DNAH7: variants seen among roughly 807,000 people sequenced by gnomAD.
The protein encoded by DNAH7 is axonemal beta dynein heavy chain 7.
In DNAH7, 397 loss-of-function variants were observed where a neutral mutation model predicts 444.6. The ratio of observed to expected loss-of-function variants is 0.89; its 90% confidence interval spans 0.82 to 0.97. The LOEUF (loss-of-function observed/expected upper bound fraction) is 0.97, where lower values mean the gene tolerates loss of function less well. DNAH7 is among the 50% of genes least tolerant of loss of function. The pLI, the probability that DNAH7 is intolerant of heterozygous loss-of-function variation, is 0.00. For synonymous variants in DNAH7, 1,636 were observed against 1,624.4 expected, an observed-to-expected ratio of 1.01 and a Z score of -0.17; for missense variants, 4,902 against 4,800.8, an observed-to-expected ratio of 1.02 and a Z score of -0.62.
At chr2:196,003,724 G>A (rs573467789) in intron 10 of DNAH7, among the ~76,000 whole-genome samples, 2 of 152,260 alleles carry the variant, frequency 1.3e-5, no homozygotes, top group African/African-American at 2.4e-5. Flanking sequence ...TCTAAATAGT[G>A]TAAACCATAA....
At chr2:195,986,219 T>C (rs1475726000) in intron 14 of DNAH7, among the ~76,000 whole-genome samples, 8 of 152,314 alleles carry the variant, frequency 5.3e-5, no homozygotes, top group Middle Eastern at 3.4e-3. Flanking sequence ...TATTGCATGG[T>C]ATTGTAATTT....
chr2:195,824,964 A>G (rs910578331), intron 48 of DNAH7: 1 of 152,532 alleles, frequency 6.6e-6, no homozygotes, highest in African/African-American at 2.4e-5. Context: ...TGACTCACAC[A>G]GTATATAGAT....
At chr2:195,836,383 C>T (rs1042331385) in intron 47 of DNAH7, among the ~76,000 whole-genome samples, 6 of 151,912 alleles carry the variant, frequency 3.9e-5, no homozygotes, top group African/African-American at 1.5e-4. Context: ...TGGTGGCAGG[C>T]ACTTGTAGTC....
intron 22 of DNAH7, among the ~76,000 whole-genome samples, chr2:195,924,455 G>A (rs1688209521): frequency 6.6e-6 from 1 of 152,144 alleles, no homozygotes; most frequent in Non-Finnish European, 1.5e-5. Context: ...TTAGCTGGGT[G>A]TGGTGGCATG....
At chr2:195,987,907 G>A (rs556863078) in intron 13 of DNAH7, 50 bp downstream of exon 13, 7 of 1,495,710 alleles carry the variant, frequency 4.7e-6, no homozygotes, top group South Asian at 2.7e-5. Context: ...TAAAACTGGG[G>A]AAAAGATACC....
At chr2:195,949,468 G>C (rs184024292) in intron 19 of DNAH7, among the ~76,000 whole-genome samples, 1 of 152,116 alleles carries the variant, frequency 6.6e-6, no homozygotes, top group African/African-American at 2.4e-5. Flanking sequence ...ATTTTCAGTA[G>C]AGATGGAGTT....
chr2:195,891,363 T>G (rs1003155165), intron 31 of DNAH7, among the ~76,000 whole-genome samples: 1 of 152,002 alleles, frequency 6.6e-6, no homozygotes, highest in Non-Finnish European at 1.5e-5. Flanking sequence ...GATATTCTCA[T>G]TTTTAGTTCA....
rs35476343 is a variant in DNAH7 at position 195,874,600 on chromosome 2, TA to T, written c.6287-907del. 6.5e-3 allele frequency among the ~76,000 whole-genome samples: 920 copies of T among 140,630 alleles called. 7 individuals carry two copies. Among genetic ancestry groups the T allele is most frequent in the Admixed American group, 0.023 (328 of 14,192 alleles). The allele number at this position is 140,630 out of a possible 152,430, so 92.3% of individuals were successfully genotyped here. On this transcript the variant is annotated intron_variant, in intron 38 of 64. Transcript: ENST00000312428. ...CCCAGGAGCAATATGGTCTTTTATTTAAAAAAAAAAAAAACAGCCTGGGCAT... is the reference window on the plus strand; with the variant it reads ...CCCAGGAGCAATATGGTCTTTTATTTAAAAAAAAAAAAACAGCCTGGGCAT...
intron 64 of DNAH7, among the ~76,000 whole-genome samples, chr2:195,738,768 A>G (rs576503053): frequency 1.3e-5 from 2 of 152,312 alleles, no homozygotes; most frequent in Admixed American, 1.3e-4. Context: ...GTTCATAAAG[A>G]TATTTTAGAA....
At position 196,052,447 on chromosome 2, in the gene DNAH7, T is replaced by C. The variant is rs189473786; in HGVS notation, c.79-1198A>G. ...TATGTACTAGATGTTGAAGACTTAG[T>C]ACAAAACACAAAGAATGTAAATTAT... On this transcript the variant is annotated intron_variant, in intron 2 of 64. Coordinates refer to ENST00000312428, the MANE Select transcript of DNAH7 (RefSeq NM_018897.3). 6.6e-5 allele frequency among the ~76,000 whole-genome samples: 10 copies of C among 152,340 alleles called. No individual in the cohort carries two copies. The East Asian group carries it at 1.9e-3, about 29-fold the overall frequency.
At chr2:196,061,185 C>T (rs1245206168) in intron 1 of DNAH7, among the ~76,000 whole-genome samples, 1 of 152,022 alleles carries the variant, frequency 6.6e-6, no homozygotes, top group East Asian at 1.9e-4. Flanking sequence ...ATCTCTTGAT[C>T]TTATTTCTCC....
In DNAH7 at chr2:195,861,243, C is replaced by T. The variant is rs1699997429; in HGVS notation, c.7736+474G>A. On this transcript the variant is annotated intron_variant, in intron 42 of 64. Transcript: ENST00000312428. Reference sequence around the variant, plus strand: ...ATTTGAATAAACTTCTGTGCACACACAAGTCACCCTCCAGAACATTAAAAA... The same window carrying T: ...ATTTGAATAAACTTCTGTGCACACATAAGTCACCCTCCAGAACATTAAAAA... Among the ~76,000 whole-genome samples, 7 of 152,066 alleles carry T rather than the reference C, an allele frequency of 4.6e-5. No homozygotes were observed. In the South Asian group the frequency reaches 1.2e-3, roughly 27 times the overall value.
chr2:195,936,574 T>TGTATTCTACA (rs776671296), intron 20 of DNAH7, 25 bp downstream of exon 20: 53 of 1,527,616 alleles, frequency 3.5e-5, no homozygotes, highest in Non-Finnish European at 4.6e-5. Context: ...AATTTAGTCA[T>TGTATTCTACA]GTATTCTACA....
At chr2:195,930,678 T>C (rs1221495779) in intron 21 of DNAH7, among the ~76,000 whole-genome samples, 1 of 152,150 alleles carries the variant, frequency 6.6e-6, no homozygotes, top group African/African-American at 2.4e-5. Flanking sequence ...TTACTGAGTA[T>C]ATATCCAAAA....
Position 196,019,310 on chromosome 2 carries a change from A to G in DNAH7, c.744-15T>C. ...GAATTTCCATTCTGAAAACAAAGAAAATATTTAGTTACAGTCTCAAAAAAA... is the reference window on the plus strand; with the variant it reads ...GAATTTCCATTCTGAAAACAAAGAAGATATTTAGTTACAGTCTCAAAAAAA... On this transcript the variant is annotated splice_polypyrimidine_tract_variant and intron_variant, in intron 8 of 64. Transcript: ENST00000312428. The G allele has an allele frequency of 1.4e-6, 2 of 1,454,642 alleles. No homozygotes were observed. The highest frequency in any genetic ancestry group is 1.8e-6 in the Non-Finnish European group (2 of 1,086,310). 90.1% of individuals were successfully genotyped at this position (1,454,642 alleles called of 1,614,324 possible).
At chr2:195,764,909 A>G (rs975319874) in intron 61 of DNAH7, among the ~76,000 whole-genome samples, 4 of 152,076 alleles carry the variant, frequency 2.6e-5, no homozygotes, top group African/African-American at 4.8e-5. Context: ...ATGGAACCAC[A>G]TAAGACCCAG....
Position 195,808,753 on chromosome 2 carries a change from G to A in DNAH7, c.10012C>T (p.Pro3338Ser), listed in dbSNP as rs759136540. 6.2e-7 allele frequency: 1 copy of A among 1,614,012 alleles called. No individual in the cohort carries two copies. Among genetic ancestry groups the A allele is most frequent in the South Asian group, 1.1e-5 (1 of 91,074 alleles). Reference sequence around the variant, plus strand: ...TCTCTACGAATGGTTTTGAAGGCAGGCAAATCATCTAATCGACATATTTCA... The same window carrying A: ...TCTCTACGAATGGTTTTGAAGGCAGACAAATCATCTAATCGACATATTTCA... ...WDEICRLDDL[P>S]AFKTIRREFM... Residue 3338 changes from proline (P) to serine (S), a missense_variant, in exon 53 of 65, where the codon CCT (proline) becomes TCT (serine). Physicochemically the swap from Pro to Ser is moderately conservative, Grantham distance 74. Transcript: ENST00000312428.
chr2:195,995,559 C>T (rs574887213), intron 12 of DNAH7: 11 of 295,874 alleles, frequency 3.7e-5, no homozygotes, highest in African/African-American at 1.6e-4. Context: ...AGGGCATTTC[C>T]GAAACCAACC....
In DNAH7 at chr2:195,988,167, G is replaced by A. The variant is rs1295501246; in HGVS notation, c.1416C>T (p.His472=). Residue 472 remains histidine (H), a synonymous_variant, in exon 13 of 65, where the codon CAC becomes CAT. Transcript: ENST00000312428. ...TAATAACTTCCTTGATCTTTTCTTT[G>A]TGAGCATCTACAATTTCATTCAGAA... ...PIILNEIVDA[H]KEKIKEVIMK... 2 of 1,613,226 alleles carry A rather than the reference G, an allele frequency of 1.2e-6. No homozygotes were observed. The highest frequency in any genetic ancestry group is 2.7e-5 in the African/African-American group (2 of 74,860).
Sources: allele counts gnomAD v4.1 joint callset (sites outside exome capture counted in the v4.1 genomes callset), GRCh38; gene constraint gnomAD v4.1.1; transcripts MANE v1.5; gene names NCBI Gene and HGNC (gene_info 2026-07-23, HGNC 2026-07-21).